MED15: variants seen among roughly 807,000 people sequenced by gnomAD.
The protein encoded by MED15 is mediator of RNA polymerase II transcription subunit 15.
In MED15, 41 loss-of-function variants were observed where a neutral mutation model predicts 118.7. The observed-to-expected ratio is 0.35, with a 90% CI of 0.27 to 0.45. MED15 has a LOEUF of 0.45. Ranked by LOEUF, MED15 falls within the 20% of genes least tolerant of loss-of-function variation. The probability of loss-of-function intolerance (pLI) is 1.00; values close to 1 mark genes in which losing one functional copy is unlikely to be tolerated. For missense variants in MED15, 740 were observed against 1,025.5 expected, an observed-to-expected ratio of 0.72 and a Z score of 3.80; for synonymous variants, 436 against 413.9, an observed-to-expected ratio of 1.05 and a Z score of -0.65.
At chr22:20,586,035 G>A (rs963773264) in intron 17 of MED15, among the ~76,000 whole-genome samples, 1 of 152,194 alleles carries the variant, frequency 6.6e-6, no homozygotes, top group Admixed American at 6.5e-5. Flanking sequence ...TGCTCCCACT[G>A]TGTCCCTTCG....
chr22:20,584,801 T>G (rs936312896), intron 14 of MED15, 54 bp from the exon 15 acceptor site: 1 of 1,600,890 alleles, frequency 6.2e-7, no homozygotes, highest in Admixed American at 1.7e-5. Flanking sequence ...GAAGGCCCCC[T>G]AAATGGGGAA....
At chr22:20,562,046 A>T (rs5751254) in intron 5 of MED15, among the ~76,000 whole-genome samples, 9,209 of 152,144 alleles carry the variant, frequency 0.061, 642 homozygotes, top group East Asian at 0.38. Flanking sequence ...AGTCCCATCT[A>T]CTTGTGAGGC....
Position 20,587,279 on chromosome 22 carries a change from C to T in MED15, c.*575C>T, listed in dbSNP as rs139928226. The T allele has an allele frequency of 5.0e-3, 792 of 157,186 alleles. 6 individuals carry two copies. The highest frequency in any genetic ancestry group is 0.016 in the African/African-American group (673 of 41,658). 9.7% of individuals were successfully genotyped at this position (157,186 alleles called of 1,614,324 possible). Reference sequence around the variant, plus strand: ...TGCTGGCTCCCCGCCACCAGCTGGGCCTCAGCCCTCACGGCATTCCTGCTG... The same window carrying T: ...TGCTGGCTCCCCGCCACCAGCTGGGTCTCAGCCCTCACGGCATTCCTGCTG... On this transcript the variant is annotated 3_prime_UTR_variant, in exon 18 of 18. Transcript: ENST00000263205.
intron 1 of MED15, among the ~76,000 whole-genome samples, chr22:20,512,991 C>G (rs910496415): frequency 6.6e-6 from 1 of 151,972 alleles, no homozygotes; most frequent in Admixed American, 6.6e-5. Flanking sequence ...CCACCCGCCT[C>G]GGCCTCCCAA....
chr22:20,552,976 G>A lies in MED15; in HGVS notation c.209-169G>A. 6.5e-6 allele frequency: 4 copies of A among 613,906 alleles called. No homozygotes were observed. The South Asian group carries it at 8.5e-5, about 13-fold the overall frequency. The allele number at this position is 613,906 out of a possible 1,614,324, so 38.0% of individuals were successfully genotyped here. A position where few individuals can be genotyped will look rare whatever the true frequency, so the allele number is the denominator to read the frequency against. ...ACCCTCTGCCCCCAGGTCTCTTGTGGGGTCAGCGCTGCCAAGAGTAGAAAC... is the reference window on the plus strand; with the variant it reads ...ACCCTCTGCCCCCAGGTCTCTTGTGAGGTCAGCGCTGCCAAGAGTAGAAAC... On this transcript the variant is annotated intron_variant, in intron 3 of 17. Transcript: ENST00000263205.
chr22:20,511,781 C>G (rs1212404320), intron 1 of MED15, among the ~76,000 whole-genome samples: 2 of 152,100 alleles, frequency 1.3e-5, no homozygotes, highest in African/African-American at 4.8e-5. Context: ...TCCCATCCTT[C>G]TTCCCCCAAC....
At chr22:20,528,564 G>C (rs773338124) in intron 1 of MED15, among the ~76,000 whole-genome samples, 7 of 152,168 alleles carry the variant, frequency 4.6e-5, no homozygotes, top group Non-Finnish European at 1.0e-4. Flanking sequence ...ACTGCTGTGA[G>C]GCCTGGTTCC....
intron 5 of MED15, 52 bp from the exon 6 acceptor site, chr22:20,564,398 G>T: frequency 1.9e-6 from 3 of 1,605,092 alleles, no homozygotes; most frequent in Non-Finnish European, 8.5e-7. Context: ...GCCCTGCAGC[G>T]TTTCTGGGAA....
Position 20,564,175 on chromosome 22 carries a change from C to T in MED15, c.452-275C>T, listed in dbSNP as rs147657444. Among the ~76,000 whole-genome samples the T allele has an allele frequency of 5.4e-3, 826 of 152,324 alleles. 5 individuals carry two copies. The highest frequency in any genetic ancestry group is 0.023 in the Admixed American group (354 of 15,300). ...AGACAGAGAGGAGATTACTGATTGC[C>T]AGAGTCTAGGCTTCTTATTTATCCA... On this transcript the variant is annotated intron_variant, in intron 5 of 17. Coordinates refer to ENST00000263205, the MANE Select transcript of MED15 (RefSeq NM_001003891.3).
intron 9 of MED15, among the ~76,000 whole-genome samples, chr22:20,579,553 C>T (rs1211859544): frequency 1.3e-5 from 2 of 152,070 alleles, no homozygotes; most frequent in East Asian, 3.9e-4. Flanking sequence ...GGGGATCGCG[C>T]AGTGCCGCCA....
At chr22:20,527,253 A>G (rs2054677856) in intron 1 of MED15, among the ~76,000 whole-genome samples, 1 of 151,894 alleles carries the variant, frequency 6.6e-6, no homozygotes, top group Non-Finnish European at 1.5e-5. Flanking sequence ...CCTGTTTTCT[A>G]TCTCTTTTAC....
intron 4 of MED15, among the ~76,000 whole-genome samples, chr22:20,553,968 A>G (rs1452220059): frequency 6.6e-6 from 1 of 152,234 alleles, no homozygotes; most frequent in Non-Finnish European, 1.5e-5. Context: ...ACTAAGCTGC[A>G]AGGGAAGGGG....
At chr22:20,537,439 G>A (rs188350104) in intron 2 of MED15, among the ~76,000 whole-genome samples, 32 of 152,190 alleles carry the variant, frequency 2.1e-4, no homozygotes, top group Non-Finnish European at 5.9e-5. Context: ...CCTCACTGCC[G>A]TCACCTTCCA....
At chr22:20,534,057 A>G (rs2054961038) in intron 1 of MED15, among the ~76,000 whole-genome samples, 1 of 152,028 alleles carries the variant, frequency 6.6e-6, no homozygotes, top group African/African-American at 2.4e-5. Flanking sequence ...TTGCTCTCTG[A>G]TCGCTGCTGG....
intron 4 of MED15, among the ~76,000 whole-genome samples, 184 bp downstream of exon 4, chr22:20,553,358 G>A (rs560279127): frequency 6.6e-6 from 1 of 151,790 alleles, no homozygotes; most frequent in Non-Finnish European, 1.5e-5. Context: ...TCGTCTTCCT[G>A]CAGACTGTGA....
rs2056365265 is a variant in MED15 at position 20,564,558 on chromosome 22, A to C, written c.560A>C (p.Gln187Pro). The part of the protein sequence containing the change: ...LQQQQQQQQQ[Q>P]QFQAQQSAMQ... Reference sequence around the variant, plus strand: ...CAGCAGCAGCAGCAGCAGCAACAGCAGCAGTTCCAGGCTCAGCAGAGTGCC... The same window carrying C: ...CAGCAGCAGCAGCAGCAGCAACAGCCGCAGTTCCAGGCTCAGCAGAGTGCC... Residue 187 changes from glutamine (Q) to proline (P), a missense_variant, in exon 6 of 18, where the codon CAG becomes CCG. Gln to Pro is a moderately conservative substitution (Grantham distance 76). This residue lies in a region of MED15 where 384 missense variants were observed against 506.3 expected (regional missense o/e 0.76). Coordinates refer to ENST00000263205, the MANE Select transcript of MED15 (RefSeq NM_001003891.3). 6.2e-7 allele frequency: 1 copy of C among 1,606,060 alleles called. No individual in the cohort carries two copies.
At position 20,507,923 on chromosome 22, in the gene MED15, A is replaced by T; in HGVS notation, c.68+177A>T. 6.9e-6 allele frequency: 10 copies of T among 1,449,398 alleles called. No individual in the cohort carries two copies. In the South Asian group the frequency reaches 1.5e-4, roughly 21 times the overall value. 89.8% of individuals were successfully genotyped at this position (1,449,398 alleles called of 1,614,324 possible). A position where few individuals can be genotyped will look rare whatever the true frequency, so the allele number is the denominator to read the frequency against. ...TCTGTCCCCTCCGTTCCCGACATGGACTGCTCGTTTGCTTTCCTGGGGCCG... is the reference window on the plus strand; with the variant it reads ...TCTGTCCCCTCCGTTCCCGACATGGTCTGCTCGTTTGCTTTCCTGGGGCCG... On this transcript the variant is annotated intron_variant, in intron 1 of 17. Transcript: ENST00000263205.
Position 20,564,701 on chromosome 22 carries a change from C to T in MED15, c.690+13C>T. On this transcript the variant is annotated intron_variant, in intron 6 of 17. Coordinates refer to ENST00000263205, the MANE Select transcript of MED15 (RefSeq NM_001003891.3). ...AAATCAGCAACAGGTACCAGGTCCC[C>T]TGTTCCTGCTCTTGGCCTCCCTCCT... The T allele has an allele frequency of 6.2e-7, 1 of 1,614,124 alleles. No individual in the cohort carries two copies. Among genetic ancestry groups the T allele is most frequent in the Non-Finnish European group, 8.5e-7 (1 of 1,179,932 alleles).
chr22:20,533,255 A>G (rs983475045), intron 1 of MED15, among the ~76,000 whole-genome samples: 24 of 152,270 alleles, frequency 1.6e-4, no homozygotes, highest in African/African-American at 5.5e-4. Flanking sequence ...CCTGGAGTCA[A>G]TGTCCAGGCA....
Sources: gnomAD v4.1 joint callset for allele counts (sites outside exome capture counted in the v4.1 genomes callset) on GRCh38, gnomAD v4.1.1 for gene constraint, gnomAD v4.1.1 regional missense constraint, MANE v1.5 for transcripts, NCBI Gene and HGNC (gene_info 2026-07-23, HGNC 2026-07-21) for gene names.